The following PDE1A variants were observed in gnomAD, a reference collection of about 807,000 sequenced individuals.
PDE1A encodes phosphodiesterase 1A, also known as dual specificity calcium/calmodulin-dependent 3',5'-cyclic nucleotide phosphodiesterase 1A.
In PDE1A, 35 loss-of-function variants were observed where a neutral mutation model predicts 61.7. That is an observed-to-expected ratio of 0.57 (90% CI 0.43 to 0.75). PDE1A has a LOEUF of 0.75. PDE1A is among the 30% of genes least tolerant of loss of function. PDE1A has a pLI of 0.00. For missense variants in PDE1A, 597 were observed against 630.6 expected, an observed-to-expected ratio of 0.95 and a Z score of 0.57; for synonymous variants, 232 against 213.2, an observed-to-expected ratio of 1.09 and a Z score of -0.77.
At chr2:182,276,325 A>G in intron 1 of PDE1A, among the ~76,000 whole-genome samples, 1 of 152,088 alleles carries the variant, frequency 6.6e-6, no homozygotes. Context: ...CGGCAGAGGA[A>G]CATAAATTGC....
chr2:182,222,355 A>G (rs1688798711), intron 7 of PDE1A, among the ~76,000 whole-genome samples: 1 of 151,984 alleles, frequency 6.6e-6, no homozygotes, highest in Non-Finnish European at 1.5e-5. Context: ...CTAAAGAGAC[A>G]TTAAAGAGAC....
intron 1 of PDE1A, among the ~76,000 whole-genome samples, chr2:182,326,275 T>C (rs1697040902): frequency 6.6e-6 from 1 of 152,198 alleles, no homozygotes; most frequent in Non-Finnish European, 1.5e-5. Flanking sequence ...CTAATGTTTA[T>C]AGTACCATTA....
At chr2:182,266,437 T>C (rs1692638215) in intron 1 of PDE1A, among the ~76,000 whole-genome samples, 1 of 152,178 alleles carries the variant, frequency 6.6e-6, no homozygotes, top group African/African-American at 2.4e-5. Context: ...TGTTTTTCCA[T>C]AGTCCTGCAA....
chr2:182,598,807 C>T, the PDE1A span, among the ~76,000 whole-genome samples: 11 of 152,298 alleles, frequency 7.2e-5, no homozygotes, highest in East Asian at 2.1e-3. Context: ...GTTACTATTA[C>T]TGCGTAACAA....
downstream of PDE1A, among the ~76,000 whole-genome samples, chr2:182,167,518 A>C (rs1392994046): frequency 6.6e-6 from 1 of 152,126 alleles, no homozygotes. Context: ...CTGCTCATAA[A>C]TATGTATAGC....
the PDE1A span, among the ~76,000 whole-genome samples, chr2:182,552,274 C>CTAAAGAAAGCATGTTTTT: frequency 6.6e-6 from 1 of 151,910 alleles, no homozygotes; most frequent in South Asian, 2.1e-4. Context: ...AAAATAGATT[C>CTAAAGAAAGCATGTTTTT]TAAAGAAAGC....
At chr2:182,156,818 A>G (rs938673746) in intron 13 of PDE1A, among the ~76,000 whole-genome samples, 5 of 152,118 alleles carry the variant, frequency 3.3e-5, no homozygotes, top group Non-Finnish European at 5.9e-5. Flanking sequence ...CTAATACTAT[A>G]AAGGAGAAAT....
chr2:182,193,948 G>A (rs1200631370), intron 10 of PDE1A, among the ~76,000 whole-genome samples: 5 of 152,056 alleles, frequency 3.3e-5, no homozygotes, highest in African/African-American at 1.2e-4. Flanking sequence ...AAGTACATTT[G>A]TATTACTATG....
At chr2:182,558,947 T>C in the PDE1A span, among the ~76,000 whole-genome samples, 1 of 152,180 alleles carries the variant, frequency 6.6e-6, no homozygotes, top group Non-Finnish European at 1.5e-5. Context: ...TTCTCCTCCT[T>C]GCCAGGAAAC....
the PDE1A span, among the ~76,000 whole-genome samples, chr2:182,628,137 A>G: frequency 1.3e-5 from 2 of 152,156 alleles, no homozygotes; most frequent in Non-Finnish European, 2.9e-5. Flanking sequence ...AACTGACTTC[A>G]GAGGACTTTG....
intron 1 of PDE1A, among the ~76,000 whole-genome samples, chr2:182,315,580 T>A (rs983223721): frequency 6.6e-6 from 1 of 152,072 alleles, no homozygotes; most frequent in Non-Finnish European, 1.5e-5. Context: ...GGAGTTGGGA[T>A]CATGAGGATA....
At chr2:182,226,369 T>C (rs989928426) in intron 6 of PDE1A, among the ~76,000 whole-genome samples, 1 of 149,830 alleles carries the variant, frequency 6.7e-6, no homozygotes, top group African/African-American at 2.5e-5. Context: ...CCATAAATAG[T>C]ACTTTCTCCA....
intron 1 of PDE1A, among the ~76,000 whole-genome samples, chr2:182,277,557 C>T (rs1693513914): frequency 6.6e-6 from 1 of 151,980 alleles, no homozygotes; most frequent in African/African-American, 2.4e-5. Context: ...TCATATCTGC[C>T]CCTACATGAG....
intron 1 of PDE1A, among the ~76,000 whole-genome samples, chr2:182,289,002 C>G (rs1346728595): frequency 6.6e-6 from 1 of 150,488 alleles, no homozygotes; most frequent in African/African-American, 2.4e-5. Flanking sequence ...GCCTCTTGCT[C>G]CTGGATTCAC....
chr2:182,520,554 A>G (rs890990794), intron 2 of PDE1A, among the ~76,000 whole-genome samples: 1 of 151,982 alleles, frequency 6.6e-6, no homozygotes, highest in Non-Finnish European at 1.5e-5. Context: ...AAAATGACAG[A>G]TTGATCTCTG....
the PDE1A span, among the ~76,000 whole-genome samples, chr2:182,528,664 C>T: frequency 1.4e-3 from 209 of 152,276 alleles, 1 homozygote; most frequent in South Asian, 0.012. Flanking sequence ...CCCCTCCCAT[C>T]ACAAGCCTGG....
At chr2:182,335,829 C>T (rs1010168395) in intron 1 of PDE1A, among the ~76,000 whole-genome samples, 8 of 152,072 alleles carry the variant, frequency 5.3e-5, no homozygotes, top group Non-Finnish European at 1.2e-4. Context: ...CATGAACAGG[C>T]AACCTATAGA....
At chr2:182,309,950 A>ATTT (rs1695856294) in intron 1 of PDE1A, among the ~76,000 whole-genome samples, 1 of 152,186 alleles carries the variant, frequency 6.6e-6, no homozygotes, top group South Asian at 2.1e-4. Context: ...TGCCAATGCA[A>ATTT]TAAAAAACAT....
chr2:182,658,171 A>C, the PDE1A span, among the ~76,000 whole-genome samples: 2 of 152,034 alleles, frequency 1.3e-5, no homozygotes, highest in African/African-American at 4.8e-5. Context: ...TCAGAAAAAT[A>C]TTCTCCCATT....
Sources: gnomAD v4.1 joint callset for allele counts (sites outside exome capture counted in the v4.1 genomes callset) on GRCh38, gnomAD v4.1.1 for gene constraint, MANE v1.5 for transcripts, NCBI Gene and HGNC (gene_info 2026-07-23, HGNC 2026-07-21) for gene names.